CBFA2T2: variants seen among roughly 807,000 people sequenced by gnomAD.
The protein encoded by CBFA2T2 is protein CBFA2T2.
A neutral mutation model predicts 62.2 loss-of-function variants in CBFA2T2; 11 were observed. The ratio of observed to expected loss-of-function variants is 0.18; its 90% confidence interval spans 0.11 to 0.29. The LOEUF (loss-of-function observed/expected upper bound fraction) is 0.29, where lower values mean the gene tolerates loss of function less well. Ranked by LOEUF, CBFA2T2 falls within the 10% of genes least tolerant of loss-of-function variation. The pLI, the probability that CBFA2T2 is intolerant of heterozygous loss-of-function variation, is 1.00. For missense variants in CBFA2T2, 592 were observed against 774.1 expected (o/e 0.76, Z 2.79); for synonymous variants, 295 against 287.5 (o/e 1.03, Z -0.27).
chr20:33,565,845 A>G (rs943240637), intron 1 of CBFA2T2, among the ~76,000 whole-genome samples: 3 of 152,224 alleles, frequency 2.0e-5, no homozygotes, highest in African/African-American at 7.2e-5. Context: ...AATAATGCCA[A>G]TAAACTGGAG....
chr20:33,551,919 C>CT (rs886340116), intron 1 of CBFA2T2, among the ~76,000 whole-genome samples: 4 of 151,092 alleles, frequency 2.6e-5, no homozygotes, highest in Non-Finnish European at 3.0e-5. Flanking sequence ...CCTCCCTGCC[C>CT]TTTTTTTTTC....
At chr20:33,553,857 A>T (rs1305542067) in intron 1 of CBFA2T2, among the ~76,000 whole-genome samples, 2 of 152,160 alleles carry the variant, frequency 1.3e-5, no homozygotes, top group Non-Finnish European at 2.9e-5. Context: ...GGTGATTTTT[A>T]AAAAGTCTGA....
Sources: gnomAD v4.1 joint callset for allele counts (sites outside exome capture counted in the v4.1 genomes callset) on GRCh38, gnomAD v4.1.1 for gene constraint, MANE v1.5 for transcripts, NCBI Gene and HGNC (gene_info 2026-07-23, HGNC 2026-07-21) for gene names.